The following ZSCAN2 variants were observed in gnomAD, a reference collection of about 807,000 sequenced individuals.
The protein encoded by ZSCAN2 is zinc finger and SCAN domain containing 2, also known as zinc finger and SCAN domain-containing protein 2.
A neutral mutation model predicts 47.8 loss-of-function variants in ZSCAN2; 26 were observed. The observed-to-expected ratio is 0.54, with a 90% confidence interval of 0.40 to 0.75. The LOEUF (loss-of-function observed/expected upper bound fraction) is 0.75, where lower values mean the gene tolerates loss of function less well. Among genes scored for constraint, ZSCAN2 ranks in the 30% least tolerant of loss-of-function variants. The pLI is 0.00. For missense variants in ZSCAN2, 732 were observed against 785.4 expected, an observed-to-expected ratio of 0.93 and a Z score of 0.81; for synonymous variants, 305 against 288.7, an observed-to-expected ratio of 1.06 and a Z score of -0.57.
At position 84,620,885 on chromosome 15, in the gene ZSCAN2, C is replaced by A. The variant is rs371543227; in HGVS notation, c.690C>A (p.Thr230=). The part of the protein sequence containing the change: ...KPYECPQCGK[T]FSRKSHLITH... ...ACGAATGTCCCCAGTGTGGGAAGAC[C>A]TTCAGCCGGAAATCCCACCTCATCA... Residue 230 remains threonine, a synonymous_variant, in exon 3 of 3, where the codon ACC becomes ACA. Coordinates refer to ENST00000546148, the MANE Select transcript of ZSCAN2 (RefSeq NM_181877.4). The A allele has an allele frequency of 1.2e-6, 2 of 1,614,092 alleles. No individual in the cohort carries two copies. The highest frequency in any genetic ancestry group is 1.3e-5 in the African/African-American group (1 of 74,928).
chr15:84,606,830 C>G (rs1895396645), intron 2 of ZSCAN2: 1 of 1,247,072 alleles, frequency 8.0e-7, no homozygotes, highest in Admixed American at 4.4e-5. Context: ...TGACTTCTGC[C>G]TCTGAGATTG....
intron 2 of ZSCAN2, chr15:84,611,754 A>G: frequency 6.6e-6 from 1 of 152,188 alleles, no homozygotes; most frequent in Non-Finnish European, 1.5e-5. Flanking sequence ...ACACAAAACA[A>G]AACAGAAAAG....
In ZSCAN2 at chr15:84,617,565, T is replaced by C. The variant is rs186802577; in HGVS notation, c.407-3037T>C. 5.9e-4 allele frequency among the ~76,000 whole-genome samples: 90 copies of C among 152,340 alleles called. 1 individual carries two copies. The highest frequency in any genetic ancestry group is 3.4e-3 in the Middle Eastern group (1 of 294). ...ATGAGGGGTGGGGCTGGAGGGCAAT[T>C]CTGTGAACCCACAGATTACCAGCAG... On this transcript the variant is annotated intron_variant, in intron 2 of 2. Transcript: ENST00000546148.
At chr15:84,614,171 T>G (rs939453018) in intron 2 of ZSCAN2, among the ~76,000 whole-genome samples, 1 of 151,604 alleles carries the variant, frequency 6.6e-6, no homozygotes, top group Non-Finnish European at 1.5e-5. Context: ...TGTTTTTTTT[T>G]GTAGAGATGA....
In ZSCAN2 at chr15:84,620,992, G is replaced by A. The variant is rs376106151; in HGVS notation, c.797G>A (p.Ser266Asn). 1 of 1,613,600 alleles carries A rather than the reference G, an allele frequency of 6.2e-7. No homozygotes were observed. Among genetic ancestry groups the A allele is most frequent in the African/African-American group, 1.3e-5 (1 of 74,776 alleles). The change falls in exon 3 of 3, where the codon AGT (serine) becomes AAT (asparagine). Residue 266 changes from serine (S) to asparagine (N), a missense_variant. By Grantham distance (46) the Ser-to-Asn change is conservative. Around this residue, in one of 2 missense-constraint regions of ZSCAN2, gnomAD observed 412 missense variants for 498.0 expected, o/e 0.83. Coordinates refer to ENST00000546148, the MANE Select transcript of ZSCAN2 (RefSeq NM_181877.4). ...AGCTTTAGTGATGGTTCAAATTTTA[G>A]TAGACACCAAACCACTCACACCGGG... ...GKSFSDGSNF[S>N]RHQTTHTGEK...
intron 2 of ZSCAN2, among the ~76,000 whole-genome samples, chr15:84,610,409 T>G (rs1273437118): frequency 1.3e-5 from 2 of 151,808 alleles, no homozygotes; most frequent in East Asian, 3.9e-4. Flanking sequence ...AATTCAAGTA[T>G]GAAGTGTGAA....
rs762700730 is a variant in ZSCAN2 at position 84,622,013 on chromosome 15, A to G, written c.1818A>G (p.Arg606=). The stretch of plus-strand genomic sequence containing the variant: ...GCTCTAACTTTATCACACATCAGAG[A>G]ACTCACATGAAAGAGAAACTTTATT... ...SNSSNFITHQ[R]THMKEKLY The change falls in exon 3 of 3, where the codon AGA becomes AGG. Residue 606 remains arginine, a synonymous_variant. Coordinates refer to ENST00000546148, the MANE Select transcript of ZSCAN2 (RefSeq NM_181877.4). 1.9e-6 allele frequency: 3 copies of G among 1,607,766 alleles called. No homozygotes were observed. Among genetic ancestry groups the G allele is most frequent in the Admixed American group, 3.4e-5 (2 of 59,226 alleles).
At position 84,621,426 on chromosome 15, in the gene ZSCAN2, A is replaced by G; in HGVS notation, c.1231A>G (p.Thr411Ala). ...TTCAGCCCTCATCACCCACCGGAGA[A>G]CCCACACAGGAGAGAAACCCTACCA... ...QSSALITHRR[T>A]HTGEKPYQCS... The change falls in exon 3 of 3, where the codon ACC (threonine) becomes GCC (alanine). Residue 411 changes from threonine to alanine, a missense_variant. Coordinates refer to ENST00000546148, the MANE Select transcript of ZSCAN2 (RefSeq NM_181877.4). This position sits in a 1 kb window ranked among gnomAD's most constrained non-coding sequence, Gnocchi z 5.7. 6.2e-7 allele frequency: 1 copy of G among 1,614,158 alleles called. No individual in the cohort carries two copies. The highest frequency in any genetic ancestry group is 8.5e-7 in the Non-Finnish European group (1 of 1,180,036).
At chr15:84,610,747 A>G (rs960526601) in intron 2 of ZSCAN2, among the ~76,000 whole-genome samples, 8 of 152,070 alleles carry the variant, frequency 5.3e-5, no homozygotes, top group Non-Finnish European at 1.2e-4. Flanking sequence ...TCTGCCTCCC[A>G]AGGTGCAGGG....
At chr15:84,605,589 T>G (rs187957427) in intron 2 of ZSCAN2, among the ~76,000 whole-genome samples, 2 of 152,150 alleles carry the variant, frequency 1.3e-5, no homozygotes, top group East Asian at 3.9e-4. Context: ...AAGTAGAGTT[T>G]GGGGGAAGGG....
intron 2 of ZSCAN2, among the ~76,000 whole-genome samples, chr15:84,616,151 C>G (rs770161764): frequency 6.6e-6 from 1 of 152,076 alleles, no homozygotes; most frequent in Non-Finnish European, 1.5e-5. Flanking sequence ...GCAGGAGAAT[C>G]GCTTGAACCT....
chr15:84,613,770 G>T (rs866698000), intron 2 of ZSCAN2, among the ~76,000 whole-genome samples: 9 of 150,486 alleles, frequency 6.0e-5, no homozygotes, highest in Middle Eastern at 7.1e-3. Context: ...CACCTCCTGG[G>T]TTCAACGATT....
rs776954888 is a variant in ZSCAN2 at position 84,621,650 on chromosome 15, G to C, written c.1455G>C (p.Trp485Cys). 1.9e-6 allele frequency: 3 copies of C among 1,613,830 alleles called. No individual in the cohort carries two copies. The highest frequency in any genetic ancestry group is 2.5e-6 in the Non-Finnish European group (3 of 1,179,966). Reference sequence around the variant, plus strand: ...TGACATGTGGGGAGAGCTTCAGCTGGAGCTCCAACCTCCTCAAGCACCAGA... The same window carrying C: ...TGACATGTGGGGAGAGCTTCAGCTGCAGCTCCAACCTCCTCAAGCACCAGA... The part of the protein sequence containing the change: ...ECLTCGESFS[W>C]SSNLLKHQRI... The change falls in exon 3 of 3, where the codon TGG (tryptophan) becomes TGC (cysteine). Residue 485 changes from tryptophan to cysteine, a missense_variant. Trp to Cys is a radical substitution (Grantham distance 215). Around this residue, in one of 2 missense-constraint regions of ZSCAN2, gnomAD observed 412 missense variants for 498.0 expected, o/e 0.83. Coordinates refer to ENST00000546148, the MANE Select transcript of ZSCAN2 (RefSeq NM_181877.4). The surrounding 1 kb of genome is among the most constrained non-coding windows in gnomAD (Gnocchi z 5.7).
intron 2 of ZSCAN2, chr15:84,616,270 G>A (rs546352505): frequency 3.1e-6 from 3 of 966,406 alleles, no homozygotes; most frequent in African/African-American, 1.6e-5. Context: ...TTGGATTAAT[G>A]TGCGTGGGTC....
intron 2 of ZSCAN2, chr15:84,606,768 C>T (rs756360677): frequency 7.3e-7 from 1 of 1,362,360 alleles, no homozygotes; most frequent in Non-Finnish European, 9.4e-7. Flanking sequence ...AACTGGGCAC[C>T]TGAGATGGGA....
At position 84,610,762 on chromosome 15, in the gene ZSCAN2, C is replaced by T. The variant is rs76932000; in HGVS notation, c.406+6429C>T. On this transcript the variant is annotated intron_variant, in intron 2 of 2. Transcript: ENST00000546148. ...TCTGCCTCCCAAGGTGCAGGGATTACAGGCGTGAGCCACTGCACCCAGCCA... is the reference window on the plus strand; with the variant it reads ...TCTGCCTCCCAAGGTGCAGGGATTATAGGCGTGAGCCACTGCACCCAGCCA... Among the ~76,000 whole-genome samples, 48 of 152,242 alleles carry T rather than the reference C, an allele frequency of 3.2e-4. 1 individual carries two copies. The East Asian group carries it at 8.7e-3, about 28-fold the overall frequency.
rs772915822 is a variant in ZSCAN2, at chr15:84,603,995, A to G, written c.68A>G (p.Glu23Gly). 1 of 1,614,004 alleles carries G rather than the reference A, an allele frequency of 6.2e-7. No individual in the cohort carries two copies. The highest frequency in any genetic ancestry group is 1.1e-5 in the South Asian group (1 of 91,072). ...LSSLVQVPQE[E>G]DRQEEEVTTM... ...TCCTTGGTCCAGGTGCCTCAAGAGG[A>G]AGATAGACAGGAGGAGGAGGTCACC... The change falls in exon 2 of 3, where the codon GAA becomes GGA. Residue 23 changes from glutamate to glycine, a missense_variant. Glu to Gly is a moderately conservative substitution (Grantham distance 98, BLOSUM62 -2). Transcript: ENST00000546148.
chr15:84,607,205 G>A (rs549829434), intron 2 of ZSCAN2, among the ~76,000 whole-genome samples: 3 of 152,236 alleles, frequency 2.0e-5, no homozygotes, highest in East Asian at 3.9e-4. Flanking sequence ...ATCCAGATGC[G>A]TGGAGTTTCT....
chr15:84,620,588 C>G lies in ZSCAN2; in HGVS notation c.407-14C>G, dbSNP rs759832833. 19 of 1,580,194 alleles carry G rather than the reference C, an allele frequency of 1.2e-5. No individual in the cohort carries two copies. The highest frequency in any genetic ancestry group is 1.6e-5 in the Non-Finnish European group (19 of 1,156,380). Reference sequence around the variant, plus strand: ...AGTTGAGTAGACATTGTATGTTTTTCTTCATTGTTTCAGATTTTGAGATAC... The same window carrying G: ...AGTTGAGTAGACATTGTATGTTTTTGTTCATTGTTTCAGATTTTGAGATAC... On this transcript the variant is annotated splice_polypyrimidine_tract_variant and intron_variant, in intron 2 of 2. Coordinates refer to ENST00000546148, the MANE Select transcript of ZSCAN2 (RefSeq NM_181877.4).
Sources: allele counts gnomAD v4.1 joint callset (sites outside exome capture counted in the v4.1 genomes callset), GRCh38; gene constraint gnomAD v4.1.1; regional missense constraint gnomAD v4.1.1; non-coding constraint Gnocchi (gnomAD v3.1); transcripts MANE v1.5; gene names NCBI Gene and HGNC (gene_info 2026-07-23, HGNC 2026-07-21).